Variants in SIMC1 observed in about 807,000 individuals in gnomAD.
SIMC1 encodes SUMO-interacting motif-containing protein 1.
Under a neutral mutation model 82.3 loss-of-function variants are expected in SIMC1, and 55 were observed. The ratio of observed to expected loss-of-function variants is 0.67; its 90% CI spans 0.54 to 0.84. SIMC1 has a LOEUF of 0.84. SIMC1 is among the 40% of genes least tolerant of loss of function. SIMC1 has a pLI of 0.00. For missense variants in SIMC1, 915 were observed against 1,107.2 expected (o/e 0.83, Z 2.46); for synonymous variants, 353 against 426.3 (o/e 0.83, Z 2.12).
intron 1 of SIMC1, among the ~76,000 whole-genome samples, chr5:176,245,024 A>G (rs1243431624): frequency 6.6e-6 from 1 of 152,036 alleles, no homozygotes; most frequent in Admixed American, 6.6e-5. Flanking sequence ...CCCGGCCAAC[A>G]TTTCTTACTC....
chr5:176,275,662 A>C (rs1309054381), intron 1 of SIMC1, among the ~76,000 whole-genome samples: 1 of 151,792 alleles, frequency 6.6e-6, no homozygotes, highest in African/African-American at 2.4e-5. Context: ...CACCTAATTT[A>C]TTGAGAGTTT....
intron 9 of SIMC1, among the ~76,000 whole-genome samples, chr5:176,339,259 G>C (rs1282339189): frequency 6.6e-6 from 1 of 152,118 alleles, no homozygotes; most frequent in Non-Finnish European, 1.5e-5. Flanking sequence ...AGCTACTCAG[G>C]AGGCTGAGGC....
At chr5:176,343,383 C>A (rs544542312) in intron 9 of SIMC1, among the ~76,000 whole-genome samples, 1 of 152,332 alleles carries the variant, frequency 6.6e-6, no homozygotes, top group South Asian at 2.1e-4. Flanking sequence ...AGAACTCTCT[C>A]AATACATTTG....
chr5:176,283,008 G>A (rs1430894144), intron 1 of SIMC1, among the ~76,000 whole-genome samples: 1 of 152,226 alleles, frequency 6.6e-6, no homozygotes, highest in Non-Finnish European at 1.5e-5. Context: ...AAGCCTCCAA[G>A]AAATATGGGA....
intron 5 of SIMC1, among the ~76,000 whole-genome samples, chr5:176,319,411 G>A (rs963670740): frequency 6.6e-6 from 1 of 152,040 alleles, no homozygotes. Flanking sequence ...GCATGTGCCT[G>A]TAGTCCCAGC....
At chr5:176,327,696 G>T (rs903315048) in intron 7 of SIMC1, among the ~76,000 whole-genome samples, 3 of 152,130 alleles carry the variant, frequency 2.0e-5, no homozygotes, top group African/African-American at 7.2e-5. Context: ...TTCAGTTTTT[G>T]ACTATTAAGT....
intron 1 of SIMC1, among the ~76,000 whole-genome samples, chr5:176,243,846 T>C (rs1339901935): frequency 2.0e-5 from 3 of 149,938 alleles, no homozygotes; most frequent in Non-Finnish European, 3.0e-5. Context: ...GAGATGACTT[T>C]AGCTACTGTG....
intron 7 of SIMC1, among the ~76,000 whole-genome samples, chr5:176,332,233 C>A (rs1052003656): frequency 6.6e-6 from 1 of 152,150 alleles, no homozygotes; most frequent in African/African-American, 2.4e-5. Flanking sequence ...TCCATTTTAT[C>A]TCTCCTGTTG....
At chr5:176,333,398 G>T (rs1462724502) in intron 7 of SIMC1, among the ~76,000 whole-genome samples, 2 of 152,102 alleles carry the variant, frequency 1.3e-5, no homozygotes, top group African/African-American at 2.4e-5. Flanking sequence ...ATTCCCTGGT[G>T]ATTCATCCAG....
At chr5:176,259,456 A>C (rs1425103833) in intron 1 of SIMC1, among the ~76,000 whole-genome samples, 2 of 152,160 alleles carry the variant, frequency 1.3e-5, no homozygotes, top group East Asian at 3.9e-4. Context: ...TCTGGAAAAA[A>C]AAAAATTATA....
intron 1 of SIMC1, among the ~76,000 whole-genome samples, chr5:176,252,941 C>T (rs1276990176): frequency 3.9e-5 from 6 of 152,212 alleles, no homozygotes; most frequent in Admixed American, 1.3e-4. Context: ...AGCTGGAGAC[C>T]AGCCTGGCCC....
chr5:176,262,754 G>A (rs1421711596), intron 1 of SIMC1, among the ~76,000 whole-genome samples: 2 of 152,276 alleles, frequency 1.3e-5, no homozygotes, highest in African/African-American at 2.4e-5. Flanking sequence ...GCAATGAGCC[G>A]AGATTGCACC....
chr5:176,320,673 C>T (rs1441662264), intron 5 of SIMC1, among the ~76,000 whole-genome samples: 1 of 152,048 alleles, frequency 6.6e-6, no homozygotes, highest in Non-Finnish European at 1.5e-5. Context: ...CTGGCCGCCA[C>T]CTACATATTT....
At chr5:176,306,318 G>A (rs1238581760) in intron 4 of SIMC1, among the ~76,000 whole-genome samples, 2 of 141,286 alleles carry the variant, frequency 1.4e-5, no homozygotes, top group African/African-American at 5.1e-5. Context: ...CCGGCCAGCC[G>A]CCCCATCCGG....
chr5:176,331,842 G>A (rs1298660162), intron 7 of SIMC1, among the ~76,000 whole-genome samples: 4 of 151,644 alleles, frequency 2.6e-5, no homozygotes, highest in African/African-American at 4.8e-5. Flanking sequence ...GGTGGCGGGC[G>A]CCTGTAATCT....
chr5:176,318,006 A>T (rs1282540285), intron 5 of SIMC1, among the ~76,000 whole-genome samples: 1 of 152,216 alleles, frequency 6.6e-6, no homozygotes, highest in Non-Finnish European at 1.5e-5. Context: ...CTGGGGTTTA[A>T]ATACCTTCTA....
chr5:176,343,282 G>A (rs1766230931), intron 9 of SIMC1, among the ~76,000 whole-genome samples: 1 of 152,164 alleles, frequency 6.6e-6, no homozygotes, highest in Admixed American at 6.5e-5. Context: ...TTTAATAACT[G>A]TTAGTGAAAG....
At chr5:176,280,210 TC>T (rs1284047404) in intron 1 of SIMC1, among the ~76,000 whole-genome samples, 59 of 152,336 alleles carry the variant, frequency 3.9e-4, no homozygotes, top group African/African-American at 1.2e-3. Flanking sequence ...GTTGAATTGA[TC>T]CCTTTACCAT....
intron 1 of SIMC1, among the ~76,000 whole-genome samples, chr5:176,267,903 C>T (rs1365919741): frequency 5.4e-5 from 8 of 146,992 alleles, no homozygotes; most frequent in Non-Finnish European, 9.0e-5. Flanking sequence ...ACTACAGGTG[C>T]GCACCATCAC....
Sources: gnomAD v4.1 joint callset for allele counts (sites outside exome capture counted in the v4.1 genomes callset) on GRCh38, gnomAD v4.1.1 for gene constraint, MANE v1.5 for transcripts, NCBI Gene and HGNC (gene_info 2026-07-23, HGNC 2026-07-21) for gene names.